The following TYK2 variants were observed in gnomAD, a reference collection of about 807,000 sequenced individuals.
TYK2 encodes the protein tyrosine kinase 2, also known as non-receptor tyrosine-protein kinase TYK2.
A neutral mutation model predicts 130.9 loss-of-function variants in TYK2; 65 were observed. The observed-to-expected ratio is 0.50, with a 90% CI of 0.41 to 0.61. The LOEUF (loss-of-function observed/expected upper bound fraction) is 0.61, where lower values mean the gene tolerates loss of function less well. TYK2 is among the 20% of genes least tolerant of loss of function. The probability of loss-of-function intolerance (pLI) is 0.00; values close to 1 mark genes in which losing one functional copy is unlikely to be tolerated. For missense variants in TYK2, 1,378 were observed against 1,610.7 expected (o/e 0.86, Z 2.47); for synonymous variants, 647 against 658.9 (o/e 0.98, Z 0.28).
At chr19:10,362,235 C>A in intron 11 of TYK2, 29 bp downstream of exon 11, 1 of 1,613,502 alleles carries the variant, frequency 6.2e-7, no homozygotes, top group Non-Finnish European at 8.5e-7. Flanking sequence ...GATGCCACAT[C>A]CCACCCAGAG....
In TYK2 at chr19:10,354,229, G is replaced by A; in HGVS notation, c.2721C>T (p.His907=). 1 of 1,612,170 alleles carries A rather than the reference G, an allele frequency of 6.2e-7. No individual in the cohort carries two copies. The highest frequency in any genetic ancestry group is 8.5e-7 in the Non-Finnish European group (1 of 1,180,006). ...AGCAGTACAAGCTGACCTTGCCGAA[G>A]TGACCCTGGTCGGGAGCGCACGAGG... ...LKKIRDLGEG[H]FGKVSLYCYD... is the part of the protein sequence containing the mutation. The change falls in exon 20 of 25, where the codon CAC becomes CAT. Residue 907 remains histidine (H), a synonymous_variant. Coordinates refer to ENST00000525621, the MANE Select transcript of TYK2 (RefSeq NM_003331.5).
At chr19:10,351,901 G>A (rs540947539) in intron 23 of TYK2, among the ~76,000 whole-genome samples, 3 of 151,836 alleles carry the variant, frequency 2.0e-5, no homozygotes, top group Non-Finnish European at 2.9e-5. Context: ...CACCACGCCC[G>A]GCTAATTTTT....
rs144389211 is a variant in TYK2 at position 10,373,401 on chromosome 19, C to A, written c.193+4813G>T. On this transcript the variant is annotated intron_variant, in intron 3 of 24. Coordinates refer to ENST00000525621, the MANE Select transcript of TYK2 (RefSeq NM_003331.5). ...TCACCCAGGCTGGAGTGCAGTGGTG[C>A]GATCTCGGCTCACTGCAACTCCGCC... Among the ~76,000 whole-genome samples the A allele has an allele frequency of 1.3e-4, 20 of 151,292 alleles. No homozygotes were observed. The East Asian group carries it at 3.7e-3, about 28-fold the overall frequency.
chr19:10,353,429 A>G lies in TYK2; in HGVS notation c.3027+99T>C. 1 of 851,524 alleles carries G rather than the reference A, an allele frequency of 1.2e-6. No individual in the cohort carries two copies. The highest frequency in any genetic ancestry group is 1.7e-6 in the Non-Finnish European group (1 of 576,008). 52.7% of individuals were successfully genotyped at this position (851,524 alleles called of 1,614,324 possible). ...GACAAGACAGCCTGGGCAAACGAGC[A>G]GGGGCGGAGCGTGAGAGCAGACTGC... On this transcript the variant is annotated intron_variant, in intron 21 of 24. Coordinates refer to ENST00000525621, the MANE Select transcript of TYK2 (RefSeq NM_003331.5). The surrounding 1 kb of genome is among the most constrained non-coding windows in gnomAD (Gnocchi z 6.9).
At chr19:10,369,397 C>T (rs1259886322) in intron 3 of TYK2, among the ~76,000 whole-genome samples, 2 of 151,822 alleles carry the variant, frequency 1.3e-5, no homozygotes, top group Non-Finnish European at 2.9e-5. Flanking sequence ...CTTTCTTTGC[C>T]ACCCAGGTTG....
rs773473806 is a variant in TYK2, at chr19:10,350,977, A to T, written c.3430-9T>A. 3 of 1,614,198 alleles carry T rather than the reference A, an allele frequency of 1.9e-6. No homozygotes were observed. In the East Asian group the frequency reaches 6.7e-5, roughly 36 times the overall value. ...TTCATGAGATGATAGACCTAGAAGGAAAAACCAGGGCTGGTGGGGGCTGCC... is the reference window on the plus strand; with the variant it reads ...TTCATGAGATGATAGACCTAGAAGGTAAAACCAGGGCTGGTGGGGGCTGCC... On this transcript the variant is annotated splice_polypyrimidine_tract_variant and intron_variant, in intron 24 of 24. Coordinates refer to ENST00000525621, the MANE Select transcript of TYK2 (RefSeq NM_003331.5).
Position 10,353,451 on chromosome 19 carries a change from C to G in TYK2, c.3027+77G>C. On this transcript the variant is annotated intron_variant, in intron 21 of 24. Transcript: ENST00000525621. This position sits in a 1 kb window ranked among gnomAD's most constrained non-coding sequence, Gnocchi z 6.9. Reference sequence around the variant, plus strand: ...AGCAGGGGCGGAGCGTGAGAGCAGACTGCACCGGATCGCTCAGGCCAGCCC... The same window carrying G: ...AGCAGGGGCGGAGCGTGAGAGCAGAGTGCACCGGATCGCTCAGGCCAGCCC... 9.6e-7 allele frequency: 1 copy of G among 1,045,884 alleles called. No individual in the cohort carries two copies. The highest frequency in any genetic ancestry group is 1.6e-5 in the African/African-American group (1 of 61,992). 64.8% of individuals were successfully genotyped at this position (1,045,884 alleles called of 1,614,324 possible).
chr19:10,372,259 C>T (rs558846017), intron 3 of TYK2, among the ~76,000 whole-genome samples: 1 of 148,788 alleles, frequency 6.7e-6, no homozygotes, highest in South Asian at 2.1e-4. Flanking sequence ...TCCCAAAGTG[C>T]TGGGATTACA....
intron 5 of TYK2, 75 bp downstream of exon 5, chr19:10,367,980 G>A (rs1294398204): frequency 5.8e-6 from 9 of 1,549,482 alleles, no homozygotes; most frequent in Non-Finnish European, 8.0e-6. Flanking sequence ...TATTGAATCA[G>A]GGAGGGAAAT....
In TYK2 at chr19:10,361,731, T is replaced by C; in HGVS notation, c.1959+39A>G. 1 of 1,409,562 alleles carries C rather than the reference T, an allele frequency of 7.1e-7. No homozygotes were observed. The highest frequency in any genetic ancestry group is 9.6e-7 in the Non-Finnish European group (1 of 1,045,558). The allele number at this position is 1,409,562 out of a possible 1,614,324, so 87.3% of individuals were successfully genotyped here. On this transcript the variant is annotated intron_variant, in intron 13 of 24. Coordinates refer to ENST00000525621, the MANE Select transcript of TYK2 (RefSeq NM_003331.5). The surrounding 1 kb of genome is among the most constrained non-coding windows in gnomAD (Gnocchi z 4.0). Reference sequence around the variant, plus strand: ...CATCCCACCTCCTCCGGCCACCTCCTCCACAGACACACCCCCAGGCCTGGC... The same window carrying C: ...CATCCCACCTCCTCCGGCCACCTCCCCCACAGACACACCCCCAGGCCTGGC...
At chr19:10,367,188 T>C (rs1402511258) in intron 5 of TYK2, among the ~76,000 whole-genome samples, 1 of 152,184 alleles carries the variant, frequency 6.6e-6, no homozygotes, top group Non-Finnish European at 1.5e-5. Flanking sequence ...CAGAGAACTC[T>C]AATTTCCTGC....
intron 3 of TYK2, chr19:10,368,805 A>C: frequency 9.0e-6 from 2 of 222,180 alleles, no homozygotes; most frequent in Non-Finnish European, 1.8e-5. Context: ...ACTTGATTTT[A>C]AGTAAAACTT....
chr19:10,354,357 C>A (rs1599329661), intron 19 of TYK2, 123 bp from the exon 20 acceptor site: 3 of 1,377,128 alleles, frequency 2.2e-6, no homozygotes, highest in East Asian at 4.8e-5. Context: ...CCCGCCTACT[C>A]CGCTCTATTA....
rs1184236755 is a variant in TYK2 at position 10,353,488 on chromosome 19, G to A, written c.3027+40C>T. ...GCTCAGGCCAGCCCAAGCTGAAGAGGAAGGGGCAAGCTCCAGAAGCAGGGG... is the reference window on the plus strand; with the variant it reads ...GCTCAGGCCAGCCCAAGCTGAAGAGAAAGGGGCAAGCTCCAGAAGCAGGGG... On this transcript the variant is annotated intron_variant, in intron 21 of 24. Coordinates refer to ENST00000525621, the MANE Select transcript of TYK2 (RefSeq NM_003331.5). This position sits in a 1 kb window ranked among gnomAD's most constrained non-coding sequence, Gnocchi z 6.9. 2.1e-6 allele frequency: 3 copies of A among 1,411,276 alleles called. No individual in the cohort carries two copies. Among genetic ancestry groups the A allele is most frequent in the East Asian group, 2.5e-5 (1 of 40,482 alleles). 87.4% of individuals were successfully genotyped at this position (1,411,276 alleles called of 1,614,324 possible). A position where few individuals can be genotyped will look rare whatever the true frequency, so the allele number is the denominator to read the frequency against.
At position 10,353,702 on chromosome 19, in the gene TYK2, G is replaced by T; in HGVS notation, c.2909-56C>A. 1 of 1,338,212 alleles carries T rather than the reference G, an allele frequency of 7.5e-7. No homozygotes were observed. The highest frequency in any genetic ancestry group is 1.6e-5 in the South Asian group (1 of 63,314). The allele number at this position is 1,338,212 out of a possible 1,614,324, so 82.9% of individuals were successfully genotyped here. A position where few individuals can be genotyped will look rare whatever the true frequency, so the allele number is the denominator to read the frequency against. On this transcript the variant is annotated intron_variant, in intron 20 of 24. Coordinates refer to ENST00000525621, the MANE Select transcript of TYK2 (RefSeq NM_003331.5). The surrounding 1 kb of genome is among the most constrained non-coding windows in gnomAD (Gnocchi z 6.9). The stretch of plus-strand genomic sequence containing the variant: ...GACGATAGAGGGCGGGCCGGGGACC[G>T]CCTACCTTGAGCCCAGCAGAGCCCC...
At position 10,361,527 on chromosome 19, in the gene TYK2, A is replaced by G; in HGVS notation, c.2031T>C (p.Cys677=). The G allele has an allele frequency of 6.5e-7, 1 of 1,546,314 alleles. No individual in the cohort carries two copies. Among genetic ancestry groups the G allele is most frequent in the Non-Finnish European group, 8.7e-7 (1 of 1,146,852 alleles). The change falls in exon 14 of 25, where the codon TGT becomes TGC. Residue 677 remains cysteine (C), a synonymous_variant. Coordinates refer to ENST00000525621, the MANE Select transcript of TYK2 (RefSeq NM_003331.5). This position sits in a 1 kb window ranked among gnomAD's most constrained non-coding sequence, Gnocchi z 4.0. ...CCCACTCACTTTCAGGGCCGCGCAC[A>G]CAGACGCCATGCACGAAGGCCAGGT... ...HTHLAFVHGV[C]VRGPENIMVT... is the part of the protein sequence containing the mutation.
At position 10,353,431 on chromosome 19, in the gene TYK2, G is replaced by T; in HGVS notation, c.3027+97C>A. 2 of 865,288 alleles carry T rather than the reference G, an allele frequency of 2.3e-6. No individual in the cohort carries two copies. Among genetic ancestry groups the T allele is most frequent in the Admixed American group, 3.2e-5 (1 of 30,866 alleles). The allele number at this position is 865,288 out of a possible 1,614,324, so 53.6% of individuals were successfully genotyped here. ...CAAGACAGCCTGGGCAAACGAGCAG[G>T]GGCGGAGCGTGAGAGCAGACTGCAC... is the stretch of plus-strand genomic sequence containing the variant. On this transcript the variant is annotated intron_variant, in intron 21 of 24. Transcript: ENST00000525621. This position sits in a 1 kb window ranked among gnomAD's most constrained non-coding sequence, Gnocchi z 6.9.
In TYK2 at chr19:10,354,546, T is replaced by C. The variant is rs1312028368; in HGVS notation, c.2681A>G (p.Lys894Arg). The change falls in exon 19 of 25, where the codon AAG becomes AGG. Residue 894 changes from lysine (K) to arginine (R), a missense_variant. Transcript: ENST00000525621. ...ATCTCGGATCTTTTTCAAATAGCGC[T>C]TGTGGAAAACCGTAGGGTCCGACGC... ...SPASDPTVFH[K>R]RYLKKIRDLG... 6.2e-7 allele frequency: 1 copy of C among 1,613,956 alleles called. No individual in the cohort carries two copies. The highest frequency in any genetic ancestry group is 2.2e-5 in the East Asian group (1 of 44,892).
chr19:10,364,487 T>G lies in TYK2; in HGVS notation c.1367+127A>C. 1 of 1,135,034 alleles carries G rather than the reference T, an allele frequency of 8.8e-7. No individual in the cohort carries two copies. Among genetic ancestry groups the G allele is most frequent in the Non-Finnish European group, 1.3e-6 (1 of 788,676 alleles). The allele number at this position is 1,135,034 out of a possible 1,614,324, so 70.3% of individuals were successfully genotyped here. On this transcript the variant is annotated intron_variant, in intron 9 of 24. Coordinates refer to ENST00000525621, the MANE Select transcript of TYK2 (RefSeq NM_003331.5). The surrounding 1 kb of genome is among the most constrained non-coding windows in gnomAD (Gnocchi z 4.9). The stretch of plus-strand genomic sequence containing the variant: ...TGAGATCATGCCACTGCACTCCAGT[T>G]TGGGCGACAAAAAATAAAAAAAAAA...
Sources: gnomAD v4.1 joint callset for allele counts (sites outside exome capture counted in the v4.1 genomes callset) on GRCh38, gnomAD v4.1.1 for gene constraint, Gnocchi (gnomAD v3.1) non-coding constraint, MANE v1.5 for transcripts, NCBI Gene and HGNC (gene_info 2026-07-23, HGNC 2026-07-21) for gene names.